The following DAB2IP variants were observed in gnomAD, a reference collection of about 807,000 sequenced individuals.
The protein encoded by DAB2IP is disabled homolog 2-interacting protein.
Under a neutral mutation model 107.2 loss-of-function variants are expected in DAB2IP, and 28 were observed. That is an observed-to-expected ratio of 0.26 (90% CI 0.19 to 0.36). DAB2IP has a LOEUF of 0.36. DAB2IP is among the 10% of genes least tolerant of loss of function. DAB2IP has a pLI of 1.00. For missense variants in DAB2IP, 1,400 were observed against 1,644.7 expected, an observed-to-expected ratio of 0.85 and a Z score of 2.57; for synonymous variants, 755 against 706.4, an observed-to-expected ratio of 1.07 and a Z score of -1.09.
intron 1 of DAB2IP, among the ~76,000 whole-genome samples, chr9:121,607,762 A>G (rs1242937787): frequency 6.6e-6 from 1 of 152,190 alleles, no homozygotes; most frequent in African/African-American, 2.4e-5. Context: ...CCAACCTCTT[A>G]AGAGGGGAGG....
At chr9:121,626,142 G>A (rs1554715688) in intron 1 of DAB2IP, among the ~76,000 whole-genome samples, 1 of 152,190 alleles carries the variant, frequency 6.6e-6, no homozygotes, top group African/African-American at 2.4e-5. Flanking sequence ...GAGATGTCTA[G>A]ACAGTGCTTG....
intron 6 of DAB2IP, among the ~76,000 whole-genome samples, chr9:121,762,213 G>T (rs1018848745): frequency 3.3e-5 from 5 of 152,196 alleles, no homozygotes; most frequent in Non-Finnish European, 7.3e-5. Flanking sequence ...CCAGGTGGCT[G>T]TGTGGCCTTG....
intron 1 of DAB2IP, among the ~76,000 whole-genome samples, chr9:121,571,198 C>T (rs992861951): frequency 5.9e-5 from 9 of 152,062 alleles, no homozygotes; most frequent in African/African-American, 2.2e-4. Flanking sequence ...CTCTCATAGG[C>T]CCTCTTTTCC....
At chr9:121,688,491 G>T (rs994780042) in intron 2 of DAB2IP, among the ~76,000 whole-genome samples, 2 of 152,166 alleles carry the variant, frequency 1.3e-5, no homozygotes, top group African/African-American at 4.8e-5. Flanking sequence ...GGCTGTCCCA[G>T]CTTCCACGCC....
chr9:121,646,763 G>T (rs117265951), upstream of DAB2IP, among the ~76,000 whole-genome samples: 4 of 152,080 alleles, frequency 2.6e-5, no homozygotes, highest in East Asian at 3.9e-4. Flanking sequence ...GACAAAGCTG[G>T]CTATTAAAGA....
At chr9:121,748,142 G>A (rs964472406) in intron 3 of DAB2IP, among the ~76,000 whole-genome samples, 2 of 152,174 alleles carry the variant, frequency 1.3e-5, no homozygotes, top group African/African-American at 4.8e-5. Flanking sequence ...TATGTTCTAG[G>A]GAGTTGACGT....
At position 121,734,270 on chromosome 9, in the gene DAB2IP, G is replaced by C. The variant is rs1050604464; in HGVS notation, c.363-22743G>C. On this transcript the variant is annotated intron_variant, in intron 3 of 15. Transcript: ENST00000408936. ...CGGGCGCCTGTAGTCCCAGCTACTC[G>C]GGAGGCTGAGGCAGGAGAATGGCGT... Among the ~76,000 whole-genome samples the C allele has an allele frequency of 2.7e-5, 4 of 149,400 alleles. 1 individual carries two copies. The highest frequency in any genetic ancestry group is 1.0e-4 in the African/African-American group (4 of 38,954).
Position 121,772,191 on chromosome 9 carries a change from C to T in DAB2IP, c.2079-416C>T, listed in dbSNP as rs1282871408. Among the ~76,000 whole-genome samples, 1 of 152,184 alleles carries T rather than the reference C, an allele frequency of 6.6e-6. No individual in the cohort carries two copies. The highest frequency in any genetic ancestry group is 1.5e-5 in the Non-Finnish European group (1 of 68,036). ...CTGATTAGGAACAAGAGGGAAGAGG[C>T]AGAGGGAACCCAGTGACTCTGAAGT... On this transcript the variant is annotated intron_variant, in intron 11 of 15. Coordinates refer to ENST00000408936, the Ensembl canonical transcript of DAB2IP. The surrounding 1 kb of genome is among the most constrained non-coding windows in gnomAD (Gnocchi z 4.7).
rs1832028899 is a variant in DAB2IP, at chr9:121,634,920, C to T, written c.41-43758C>T. 6.6e-6 allele frequency among the ~76,000 whole-genome samples: 1 copy of T among 152,218 alleles called. No homozygotes were observed. The highest frequency in any genetic ancestry group is 1.5e-5 in the Non-Finnish European group (1 of 68,040). ...TTGCACCTCAGAGGCACCCCCAGCCCCCTCAGCCAGAACAGCCAACACCAG... is the reference window on the plus strand; with the variant it reads ...TTGCACCTCAGAGGCACCCCCAGCCTCCTCAGCCAGAACAGCCAACACCAG... On this transcript the variant is annotated intron_variant, in intron 1 of 16. Coordinates refer to the DAB2IP transcript ENST00000259371. The surrounding 1 kb of genome is among the most constrained non-coding windows in gnomAD (Gnocchi z 4.7).
In DAB2IP at chr9:121,599,378, G is replaced by T. The variant is rs1237455594; in HGVS notation, c.40+32150G>T. Among the ~76,000 whole-genome samples, 1 of 152,132 alleles carries T rather than the reference G, an allele frequency of 6.6e-6. No homozygotes were observed. Among genetic ancestry groups the T allele is most frequent in the African/African-American group, 2.4e-5 (1 of 41,450 alleles). On this transcript the variant is annotated intron_variant, in intron 1 of 16. Transcript: ENST00000259371. The surrounding 1 kb of genome is among the most constrained non-coding windows in gnomAD (Gnocchi z 6.9). ...CGGCTCTGCCCAGTCCGGCCTGGGC[G>T]GGGCGGTGGTGGGGAGGTCGATTGA...
intron 1 of DAB2IP, among the ~76,000 whole-genome samples, chr9:121,614,662 G>A (rs1272355432): frequency 1.3e-5 from 2 of 151,154 alleles, no homozygotes; most frequent in Non-Finnish European, 2.9e-5. Flanking sequence ...TCTGTTGTGC[G>A]GTTTCTACTA....
intron 1 of DAB2IP, among the ~76,000 whole-genome samples, chr9:121,661,054 G>A (rs552875090): frequency 2.4e-4 from 36 of 152,264 alleles, no homozygotes; most frequent in African/African-American, 7.7e-4. Context: ...TTGGAAAGGC[G>A]TGAAGAAGCG....
intron 1 of DAB2IP, among the ~76,000 whole-genome samples, chr9:121,664,053 C>G (rs1474147743): frequency 6.6e-6 from 1 of 152,252 alleles, no homozygotes; most frequent in African/African-American, 2.4e-5. Flanking sequence ...CATTATCTCT[C>G]TTAGATCTGT....
At position 121,583,260 on chromosome 9, in the gene DAB2IP, G is replaced by A. The variant is rs74879934; in HGVS notation, c.40+16032G>A. 1.8e-3 allele frequency among the ~76,000 whole-genome samples: 276 copies of A among 152,232 alleles called. 7 individuals are homozygous for A. The East Asian group carries it at 0.026, about 14-fold the overall frequency. On this transcript the variant is annotated intron_variant, in intron 1 of 16. Coordinates refer to the DAB2IP transcript ENST00000259371. ...AAAAATTAGTCGAGCGTGGTGGCAG[G>A]CGTCTGTGGTGTCCCAGCAACTTGG...
chr9:121,624,382 G>A (rs990220610), intron 1 of DAB2IP, among the ~76,000 whole-genome samples: 6 of 152,160 alleles, frequency 3.9e-5, no homozygotes, highest in African/African-American at 1.4e-4. Context: ...AATAGCCTAC[G>A]GCCAAATCCA....
chr9:121,674,511 T>C (rs1833809078), intron 1 of DAB2IP, among the ~76,000 whole-genome samples: 1 of 152,146 alleles, frequency 6.6e-6, no homozygotes, highest in Admixed American at 6.5e-5. Context: ...TCCGGCCACC[T>C]GGGATCCTTG....
In DAB2IP at chr9:121,699,311, C is replaced by G. The variant is rs547336350; in HGVS notation, c.229-14C>G. 5.3e-5 allele frequency: 72 copies of G among 1,366,092 alleles called. No homozygotes were observed. The African/African-American group carries it at 9.8e-4, about 19-fold the overall frequency. 84.6% of individuals were successfully genotyped at this position (1,366,092 alleles called of 1,614,324 possible). ...CCCCGCCTCCCCTTCCCCCTCTTGT[C>G]CCCCCGTGCGCAGGGCTTCCTCAGC... On this transcript the variant is annotated splice_polypyrimidine_tract_variant and intron_variant, in intron 2 of 15. Transcript: ENST00000408936. The surrounding 1 kb of genome is among the most constrained non-coding windows in gnomAD (Gnocchi z 6.2).
At chr9:121,675,208 G>A (rs1833846797) in intron 1 of DAB2IP, among the ~76,000 whole-genome samples, 1 of 152,114 alleles carries the variant, frequency 6.6e-6, no homozygotes, top group African/African-American at 2.4e-5. Flanking sequence ...GGCGCCCCCA[G>A]CATTGCCCCA....
At chr9:121,605,870 T>C (rs1830853052) in intron 1 of DAB2IP, among the ~76,000 whole-genome samples, 1 of 152,112 alleles carries the variant, frequency 6.6e-6, no homozygotes, top group Non-Finnish European at 1.5e-5. Flanking sequence ...GTTATTGGGA[T>C]TGTGTCGGGG....
Sources: gnomAD v4.1 joint callset for allele counts (sites outside exome capture counted in the v4.1 genomes callset) on GRCh38, gnomAD v4.1.1 for gene constraint, Gnocchi (gnomAD v3.1) non-coding constraint, MANE v1.5 for transcripts, NCBI Gene and HGNC (gene_info 2026-07-23, HGNC 2026-07-21) for gene names.